The following RASA2 variants were observed in gnomAD, a reference collection of about 807,000 sequenced individuals.
RASA2 encodes the protein RAS p21 protein activator 2, also known as ras GTPase-activating protein 2.
A neutral mutation model predicts 118.2 loss-of-function variants in RASA2; 155 were observed. The observed-to-expected ratio is 1.31, with a 90% CI of 1.15 to 1.50. RASA2 has a LOEUF of 1.50. RASA2 is among the 40% of genes most tolerant of loss of function. The probability of loss-of-function intolerance (pLI) is 0.00; values close to 1 mark genes in which losing one functional copy is unlikely to be tolerated. For synonymous variants in RASA2, 353 were observed against 349.1 expected, an observed-to-expected ratio of 1.01 and a Z score of -0.12; for missense variants, 1,016 against 1,009.6, an observed-to-expected ratio of 1.01 and a Z score of -0.09.
intron 4 of RASA2, among the ~76,000 whole-genome samples, chr3:141,539,784 CT>C (rs1441403508): frequency 6.6e-6 from 1 of 152,146 alleles, no homozygotes. Flanking sequence ...GCCTTTATTT[CT>C]TGAGAAGTTG....
chr3:141,545,470 T>C (rs1422442794), intron 5 of RASA2, among the ~76,000 whole-genome samples: 1 of 147,654 alleles, frequency 6.8e-6, no homozygotes, highest in African/African-American at 2.5e-5. Context: ...ACTTTTTTTT[T>C]TTTTTTTTTT....
chr3:141,549,484 CGTGT>C (rs56036122), intron 5 of RASA2, among the ~76,000 whole-genome samples: 224 of 145,278 alleles, frequency 1.5e-3, no homozygotes, highest in Middle Eastern at 7.0e-3. Context: ...TGTGTGTGTG[CGTGT>C]GTGTGTGTGT....
At chr3:141,566,879 C>G (rs2082827672) in intron 9 of RASA2, among the ~76,000 whole-genome samples, 2 of 152,158 alleles carry the variant, frequency 1.3e-5, no homozygotes, top group African/African-American at 2.4e-5. Flanking sequence ...CACTCACTCT[C>G]TAGTCAATAT....
chr3:141,508,961 A>G (rs1302516564), intron 1 of RASA2, among the ~76,000 whole-genome samples: 3 of 152,218 alleles, frequency 2.0e-5, no homozygotes, highest in African/African-American at 4.8e-5. Context: ...CTTGATGTAA[A>G]GTGTGGCTCT....
intron 9 of RASA2, among the ~76,000 whole-genome samples, chr3:141,566,300 A>G (rs2082819610): frequency 6.6e-6 from 1 of 152,226 alleles, no homozygotes; most frequent in Non-Finnish European, 1.5e-5. Flanking sequence ...CAGCATTATC[A>G]ATGAAGCATT....
intron 9 of RASA2, among the ~76,000 whole-genome samples, chr3:141,561,587 A>T (rs943532644): frequency 6.6e-6 from 1 of 152,234 alleles, no homozygotes; most frequent in African/African-American, 2.4e-5. Flanking sequence ...TAAGTTGGAA[A>T]TAAAACTCTT....
intron 23 of RASA2, among the ~76,000 whole-genome samples, 172 bp downstream of exon 23, chr3:141,610,238 T>A (rs527338762): frequency 1.3e-5 from 2 of 150,386 alleles, no homozygotes; most frequent in Non-Finnish European, 2.9e-5. Context: ...TTGTTCAGTT[T>A]AGCCATCATT....
intron 1 of RASA2, among the ~76,000 whole-genome samples, chr3:141,491,205 C>T (rs2081636454): frequency 6.6e-6 from 1 of 152,080 alleles, no homozygotes; most frequent in African/African-American, 2.4e-5. Context: ...CAGGTTGTTC[C>T]CTCTGCTTGG....
At chr3:141,499,007 C>T (rs1403939945) in intron 1 of RASA2, among the ~76,000 whole-genome samples, 1 of 152,176 alleles carries the variant, frequency 6.6e-6, no homozygotes, top group Non-Finnish European at 1.5e-5. Flanking sequence ...GAAGATCCTG[C>T]CCGCAACTTG....
chr3:141,571,654 G>A (rs2082922151), intron 11 of RASA2, 100 bp downstream of exon 11: 1 of 1,205,516 alleles, frequency 8.3e-7, no homozygotes, highest in Non-Finnish European at 1.2e-6. Context: ...GTATTGATCA[G>A]CCTTACTGTA....
intron 5 of RASA2, 76 bp from the exon 6 acceptor site, chr3:141,553,781 A>G (rs1428465531): frequency 1.2e-5 from 18 of 1,552,620 alleles, no homozygotes; most frequent in Non-Finnish European, 1.6e-5. Flanking sequence ...TGAATGTATT[A>G]GTTTGTGTTT....
rs2083613182 is a variant in RASA2, at chr3:141,610,046, T to C, written c.2499T>C (p.Ser833=). ...PHEKYRKKRS[S]SAKYGSKENP... is the part of the protein sequence containing the mutation. ...AAAAATATAGGAAGAAAAGATCCAG[T>C]AGTGCAAAATATGGGAGCAAGTGAG... Residue 833 remains serine, a synonymous_variant, in exon 23 of 24, where the codon AGT becomes AGC. Coordinates refer to ENST00000286364, the MANE Select transcript of RASA2 (RefSeq NM_006506.5). The C allele has an allele frequency of 4.4e-6, 7 of 1,589,324 alleles. No individual in the cohort carries two copies. The highest frequency in any genetic ancestry group is 6.0e-6 in the Non-Finnish European group (7 of 1,169,504).
At position 141,612,371 on chromosome 3, in the gene RASA2, A is replaced by G; in HGVS notation, c.*58A>G. 2 of 1,405,218 alleles carry G rather than the reference A, an allele frequency of 1.4e-6. No individual in the cohort carries two copies. Among genetic ancestry groups the G allele is most frequent in the South Asian group, 1.3e-5 (1 of 78,196 alleles). The allele number at this position is 1,405,218 out of a possible 1,614,324, so 87.0% of individuals were successfully genotyped here. On this transcript the variant is annotated 3_prime_UTR_variant, in exon 24 of 24. Coordinates refer to ENST00000286364, the MANE Select transcript of RASA2 (RefSeq NM_006506.5). Reference sequence around the variant, plus strand: ...ATATTATTTTTCTTGGAGCTTTTCAATTCATCATGTATTTTGTTCATGGTA... The same window carrying G: ...ATATTATTTTTCTTGGAGCTTTTCAGTTCATCATGTATTTTGTTCATGGTA...
chr3:141,548,758 T>C (rs886687180), intron 5 of RASA2, among the ~76,000 whole-genome samples: 3 of 152,190 alleles, frequency 2.0e-5, no homozygotes, highest in Non-Finnish European at 4.4e-5. Context: ...TTTTGAACTT[T>C]AGTGAGACCT....
At chr3:141,539,536 C>A (rs1417542590) in intron 4 of RASA2, among the ~76,000 whole-genome samples, 2 of 152,078 alleles carry the variant, frequency 1.3e-5, no homozygotes, top group Non-Finnish European at 2.9e-5. Context: ...AAGGGTTGTT[C>A]TAAAGAGGAA....
intron 14 of RASA2, 24 bp from the exon 15 acceptor site, chr3:141,576,976 C>A (rs755408563): frequency 6.9e-7 from 1 of 1,444,796 alleles, no homozygotes; most frequent in Admixed American, 2.0e-5. Flanking sequence ...TTGTGCATGA[C>A]ATTTCACCAT....
intron 1 of RASA2, among the ~76,000 whole-genome samples, chr3:141,497,510 C>T (rs2081721124): frequency 6.6e-6 from 1 of 152,052 alleles, no homozygotes; most frequent in Non-Finnish European, 1.5e-5. Context: ...CAAGAGTAAT[C>T]AAATGTTAGG....
intron 5 of RASA2, among the ~76,000 whole-genome samples, chr3:141,553,357 A>G (rs1450578029): frequency 1.3e-5 from 2 of 152,174 alleles, no homozygotes; most frequent in Non-Finnish European, 2.9e-5. Flanking sequence ...TATTTAGCAG[A>G]AGGAAATGTG....
intron 19 of RASA2, among the ~76,000 whole-genome samples, chr3:141,591,349 C>A (rs1577800748): frequency 6.6e-6 from 1 of 152,144 alleles, no homozygotes; most frequent in Admixed American, 6.5e-5. Context: ...AGTGTCAGCT[C>A]TTTATGGAAG....
Sources: allele counts gnomAD v4.1 joint callset (sites outside exome capture counted in the v4.1 genomes callset), GRCh38; gene constraint gnomAD v4.1.1; transcripts MANE v1.5; gene names NCBI Gene and HGNC (gene_info 2026-07-23, HGNC 2026-07-21).